Variants in SEPTIN10 observed in about 807,000 individuals in gnomAD.
SEPTIN10 encodes septin-10.
In SEPTIN10, 66 loss-of-function variants were observed where a neutral mutation model predicts 54.8. That is an observed-to-expected ratio of 1.21 (90% confidence interval 0.99 to 1.48). SEPTIN10 has a LOEUF of 1.48. SEPTIN10 is among the 40% of genes most tolerant of loss of function. The pLI is 0.00. For missense variants in SEPTIN10, 620 were observed against 545.6 expected (o/e 1.14, Z -1.36); for synonymous variants, 161 against 181.0 (o/e 0.89, Z 0.89).
intron 1 of SEPTIN10, among the ~76,000 whole-genome samples, chr2:109,602,501 C>T (rs1456830481): frequency 2.0e-5 from 3 of 151,904 alleles, no homozygotes; most frequent in Admixed American, 6.6e-5. Context: ...AATGGTGAAA[C>T]CCCATCTCTA....
chr2:109,612,762 C>G (rs1699526858), intron 1 of SEPTIN10, among the ~76,000 whole-genome samples: 1 of 152,070 alleles, frequency 6.6e-6, no homozygotes. Context: ...GGGGTCCAGA[C>G]AGAAAATTTG....
At chr2:109,600,189 A>G (rs374163381) in intron 1 of SEPTIN10, among the ~76,000 whole-genome samples, 7 of 152,230 alleles carry the variant, frequency 4.6e-5, no homozygotes, top group African/African-American at 1.4e-4. Context: ...TCACTGCTCA[A>G]TTGGGCTTCC....
chr2:109,568,050 A>G, intron 5 of SEPTIN10, 74 bp from the exon 6 acceptor site: 1 of 1,174,340 alleles, frequency 8.5e-7, no homozygotes, highest in South Asian at 1.6e-5. Context: ...TTTTCACTCA[A>G]AACTGTTCAT....
chr2:109,565,197 C>T (rs1475274325), intron 7 of SEPTIN10, among the ~76,000 whole-genome samples: 6 of 151,640 alleles, frequency 4.0e-5, no homozygotes, highest in Non-Finnish European at 8.8e-5. Flanking sequence ...TCATTCATTA[C>T]AAAATTTATC....
chr2:109,603,915 A>G (rs1697263148), intron 1 of SEPTIN10, among the ~76,000 whole-genome samples: 1 of 152,094 alleles, frequency 6.6e-6, no homozygotes, highest in East Asian at 2.0e-4. Context: ...TAATCCCAGC[A>G]CTTTGGGAGG....
intron 4 of SEPTIN10, among the ~76,000 whole-genome samples, chr2:109,578,499 C>T (rs1433193104): frequency 6.6e-6 from 1 of 150,904 alleles, no homozygotes; most frequent in Non-Finnish European, 1.5e-5. Flanking sequence ...GCATGGCAGG[C>T]TCATGCCTGT....
chr2:109,558,268 C>A (rs571347826), intron 8 of SEPTIN10, among the ~76,000 whole-genome samples: 1 of 152,238 alleles, frequency 6.6e-6, no homozygotes, highest in South Asian at 2.1e-4. Context: ...GCCTAGTGAA[C>A]TTTTTCCAAG....
At chr2:109,604,976 T>C in intron 1 of SEPTIN10, 1 of 152,176 alleles carries the variant, frequency 6.6e-6, no homozygotes, top group East Asian at 1.9e-4. Context: ...CAGCACAGGT[T>C]TGATGCAACT....
intron 8 of SEPTIN10, 112 bp from the exon 9 acceptor site, chr2:109,553,331 G>C: frequency 1.9e-6 from 2 of 1,057,928 alleles, no homozygotes; most frequent in Non-Finnish European, 2.7e-6. Context: ...GATCACCTAA[G>C]GTCAGGAGTC....
intron 10 of SEPTIN10, chr2:109,545,046 A>G (rs949423319): frequency 1.1e-5 from 11 of 985,426 alleles, no homozygotes; most frequent in Non-Finnish European, 1.3e-5. Context: ...GGCCAAGGTT[A>G]TGTTTTCCTA....
At chr2:109,559,911 C>CTTTTTTTTTTT (rs1185486244) in intron 8 of SEPTIN10, among the ~76,000 whole-genome samples, 2 of 117,548 alleles carry the variant, frequency 1.7e-5, no homozygotes, top group African/African-American at 6.3e-5. Context: ...CAACCAATGC[C>CTTTTTTTTTTT]TTTTTTTTTT....
chr2:109,544,517 G>C, intron 10 of SEPTIN10, 193 bp from the exon 11 acceptor site: 3 of 985,036 alleles, frequency 3.0e-6, no homozygotes, highest in Non-Finnish European at 3.6e-6. Flanking sequence ...ATATGGGCTT[G>C]GTCCTGATTT....
chr2:109,545,908 C>G, intron 10 of SEPTIN10, 142 bp downstream of exon 10: 2 of 1,445,096 alleles, frequency 1.4e-6, no homozygotes, highest in Non-Finnish European at 9.2e-7. Flanking sequence ...GGGACAAGGT[C>G]TCTCCTCTCC....
intron 5 of SEPTIN10, 32 bp downstream of exon 5, chr2:109,574,549 G>C (rs901306236): frequency 3.3e-5 from 44 of 1,318,834 alleles, no homozygotes; most frequent in Non-Finnish European, 4.2e-5. Context: ...AAATATTAAA[G>C]TATGGTAAGT....
chr2:109,567,428 A>G (rs899874195), intron 6 of SEPTIN10, among the ~76,000 whole-genome samples: 1 of 152,238 alleles, frequency 6.6e-6, no homozygotes, highest in Non-Finnish European at 1.5e-5. Flanking sequence ...TAGTTTTAAG[A>G]GACCTCCTTA....
At chr2:109,607,651 A>AT (rs983662336) in intron 1 of SEPTIN10, among the ~76,000 whole-genome samples, 17 of 152,072 alleles carry the variant, frequency 1.1e-4, no homozygotes, top group Non-Finnish European at 2.1e-4. Flanking sequence ...TTTAAATGTA[A>AT]TTTTTCTCCT....
chr2:109,567,841 T>TA lies in SEPTIN10; in HGVS notation c.735dup (p.Ile246TyrfsTer3). The stretch of plus-strand genomic sequence containing the variant: ...TTCATTGCAGCGTTGACCTTAGCAA[T>TA]AGTGTCATCATCCGTTGGGAACTGG... On this transcript the variant is annotated frameshift_variant, in exon 6 of 11. Coordinates refer to ENST00000397712, the MANE Select transcript of SEPTIN10 (RefSeq NM_144710.5). LOFTEE classifies it high-confidence loss of function. 1.2e-6 allele frequency: 2 copies of TA among 1,610,156 alleles called. No individual in the cohort carries two copies. The highest frequency in any genetic ancestry group is 1.7e-6 in the Non-Finnish European group (2 of 1,178,642).
At chr2:109,555,707 C>G (rs983767432) in intron 8 of SEPTIN10, among the ~76,000 whole-genome samples, 1 of 152,200 alleles carries the variant, frequency 6.6e-6, no homozygotes, top group African/African-American at 2.4e-5. Flanking sequence ...TGATCAATTA[C>G]GCAGCTGACC....
intron 4 of SEPTIN10, among the ~76,000 whole-genome samples, chr2:109,581,133 T>C (rs1319940533): frequency 2.0e-5 from 3 of 152,218 alleles, no homozygotes; most frequent in African/African-American, 4.8e-5. Context: ...TCATTTTGAA[T>C]GTACACTTAA....
Sources: allele counts gnomAD v4.1 joint callset (sites outside exome capture counted in the v4.1 genomes callset), GRCh38; gene constraint gnomAD v4.1.1; transcripts MANE v1.5; gene names NCBI Gene and HGNC (gene_info 2026-07-23, HGNC 2026-07-21).